Variants in ITGA9 observed in about 807,000 individuals in gnomAD.
The protein encoded by ITGA9 is integrin subunit alpha 9, also known as integrin alpha-9.
A neutral mutation model predicts 127.8 loss-of-function variants in ITGA9; 56 were observed. That is an observed-to-expected ratio of 0.44 (90% CI 0.35 to 0.55). The LOEUF (loss-of-function observed/expected upper bound fraction) is 0.55, where lower values mean the gene tolerates loss of function less well. ITGA9 is among the 20% of genes least tolerant of loss of function. The pLI is 0.00. For missense variants in ITGA9, 1,196 were observed against 1,347.1 expected (o/e 0.89, Z 1.76); for synonymous variants, 508 against 514.5 (o/e 0.99, Z 0.17).
At chr3:37,593,024 C>G (rs1329541993) in intron 15 of ITGA9, among the ~76,000 whole-genome samples, 1 of 151,986 alleles carries the variant, frequency 6.6e-6, no homozygotes, top group Admixed American at 6.6e-5. Context: ...TTAGAATAAC[C>G]AGGGGGAAAA....
intron 25 of ITGA9, among the ~76,000 whole-genome samples, chr3:37,783,113 T>C (rs569864584): frequency 1.1e-4 from 16 of 151,708 alleles, no homozygotes; most frequent in Non-Finnish European, 1.9e-4. Context: ...CACTCCAGCC[T>C]GGGCAACAGA....
At chr3:37,512,093 C>T (rs1253882942) in intron 8 of ITGA9, among the ~76,000 whole-genome samples, 16 of 102,728 alleles carry the variant, frequency 1.6e-4, no homozygotes, top group East Asian at 2.8e-4. Context: ...TCCTTCCTTC[C>T]TTCCTTCCTT....
intron 15 of ITGA9, among the ~76,000 whole-genome samples, chr3:37,579,383 T>C (rs1030556746): frequency 6.6e-6 from 1 of 152,176 alleles, no homozygotes; most frequent in Non-Finnish European, 1.5e-5. Flanking sequence ...CCAATGTGGC[T>C]GTTGGAGCTC....
At chr3:37,697,208 A>G (rs1700893934) in intron 18 of ITGA9, among the ~76,000 whole-genome samples, 2 of 152,082 alleles carry the variant, frequency 1.3e-5, no homozygotes, top group Non-Finnish European at 2.9e-5. Context: ...GGTAATGTAC[A>G]GGACAGTCAT....
At chr3:37,621,338 C>T (rs1365996381) in intron 15 of ITGA9, among the ~76,000 whole-genome samples, 1 of 152,188 alleles carries the variant, frequency 6.6e-6, no homozygotes, top group Non-Finnish European at 1.5e-5. Flanking sequence ...GACTAATACA[C>T]CAATTGAGGT....
intron 17 of ITGA9, among the ~76,000 whole-genome samples, chr3:37,656,476 T>A (rs914602793): frequency 7.9e-5 from 12 of 152,242 alleles, no homozygotes; most frequent in Non-Finnish European, 1.8e-4. Flanking sequence ...AGTTCACTCA[T>A]GATTTGGCTC....
intron 19 of ITGA9, among the ~76,000 whole-genome samples, chr3:37,733,774 T>C (rs541191332): frequency 6.6e-6 from 1 of 152,114 alleles, no homozygotes; most frequent in Non-Finnish European, 1.5e-5. Context: ...AATAAATGTT[T>C]AAACCACCCA....
intron 26 of ITGA9, among the ~76,000 whole-genome samples, chr3:37,797,034 G>C (rs1294183496): frequency 3.3e-5 from 5 of 152,154 alleles, no homozygotes; most frequent in Non-Finnish European, 7.4e-5. Flanking sequence ...GGGAGGAACA[G>C]GGCTTAGAAA....
rs1237078842 is a variant in ITGA9 at position 37,610,913 on chromosome 3, C to T, written c.1690-18274C>T. ...TAAAGTTTTGTGGATAGGTATGACA[C>T]CATTTCTTTTGAGCTTAAAGATGCT... On this transcript the variant is annotated intron_variant, in intron 15 of 27. Transcript: ENST00000264741. 2.0e-5 allele frequency among the ~76,000 whole-genome samples: 3 copies of T among 151,886 alleles called. No individual in the cohort carries two copies. The East Asian group carries it at 5.8e-4, about 29-fold the overall frequency.
chr3:37,599,597 A>G (rs1699898466), intron 15 of ITGA9, among the ~76,000 whole-genome samples: 1 of 152,156 alleles, frequency 6.6e-6, no homozygotes, highest in Non-Finnish European at 1.5e-5. Flanking sequence ...TCATCTTTTC[A>G]TGACACATAT....
At chr3:37,557,065 G>A (rs1699438137) in intron 15 of ITGA9, among the ~76,000 whole-genome samples, 3 of 152,168 alleles carry the variant, frequency 2.0e-5, no homozygotes, top group South Asian at 2.1e-4. Flanking sequence ...AAACTTCACT[G>A]CAGTGTTTTT....
At chr3:37,696,231 G>A (rs1700883507) in intron 18 of ITGA9, among the ~76,000 whole-genome samples, 1 of 152,164 alleles carries the variant, frequency 6.6e-6, no homozygotes, top group Non-Finnish European at 1.5e-5. Flanking sequence ...AGTGGCCATT[G>A]GGAAGCACCA....
chr3:37,679,974 G>A (rs553303968), intron 17 of ITGA9, among the ~76,000 whole-genome samples: 1 of 152,192 alleles, frequency 6.6e-6, no homozygotes, highest in Admixed American at 6.5e-5. Flanking sequence ...CATGGGGGGT[G>A]GGGGGCTCAT....
intron 15 of ITGA9, among the ~76,000 whole-genome samples, chr3:37,621,170 C>G (rs1700124846): frequency 6.6e-6 from 1 of 152,090 alleles, no homozygotes; most frequent in Non-Finnish European, 1.5e-5. Flanking sequence ...TCACTTGGCT[C>G]TCATTCTCTC....
intron 15 of ITGA9, among the ~76,000 whole-genome samples, chr3:37,613,798 T>G (rs1307822308): frequency 2.6e-5 from 4 of 152,234 alleles, no homozygotes; most frequent in Non-Finnish European, 5.9e-5. Flanking sequence ...TTTGCCCACT[T>G]GTTGATGGGG....
In ITGA9 at chr3:37,465,825, G is replaced by A. The variant is rs17036376; in HGVS notation, c.186-5182G>A. Among the ~76,000 whole-genome samples, 1,379 of 152,264 alleles carry A rather than the reference G, an allele frequency of 9.1e-3. 28 individuals are homozygous for A. Among genetic ancestry groups the A allele is most frequent in the East Asian group, 0.08 (413 of 5,166 alleles). ...TCAAAGGCTCACTGGGGCTTGCTCA[G>A]GTGGGGATTACATATGTGAGTAGCT... On this transcript the variant is annotated intron_variant, in intron 1 of 27. Transcript: ENST00000264741.
At chr3:37,634,325 A>C (rs907460230) in intron 16 of ITGA9, among the ~76,000 whole-genome samples, 3 of 151,996 alleles carry the variant, frequency 2.0e-5, no homozygotes, top group South Asian at 4.1e-4. Context: ...AAAAAAAAAA[A>C]AACAAAAAAC....
intron 15 of ITGA9, among the ~76,000 whole-genome samples, chr3:37,577,249 C>T (rs1699663006): frequency 6.6e-6 from 1 of 152,272 alleles, no homozygotes; most frequent in African/African-American, 2.4e-5. Context: ...CTTTCTGCCC[C>T]ACTTCCAGTT....
At chr3:37,784,722 C>CA (rs1491376055) in intron 25 of ITGA9, among the ~76,000 whole-genome samples, 5 of 152,196 alleles carry the variant, frequency 3.3e-5, no homozygotes, top group Admixed American at 3.3e-4. Flanking sequence ...GAAACCACAG[C>CA]ACACATCTTG....
Sources: gnomAD v4.1 joint callset for allele counts (sites outside exome capture counted in the v4.1 genomes callset) on GRCh38, gnomAD v4.1.1 for gene constraint, MANE v1.5 for transcripts, NCBI Gene and HGNC (gene_info 2026-07-23, HGNC 2026-07-21) for gene names.